Variants in FAM135B observed in about 807,000 individuals in gnomAD.
FAM135B encodes the protein family with sequence similarity 135 member B.
In FAM135B, 43 loss-of-function variants were observed where a neutral mutation model predicts 127.7. The observed-to-expected ratio is 0.34, with a 90% CI of 0.26 to 0.43. The LOEUF (loss-of-function observed/expected upper bound fraction) is 0.43. Among genes scored for constraint, FAM135B ranks in the 20% least tolerant of loss-of-function variants. The pLI is 1.00. For missense variants in FAM135B, 1,558 were observed against 1,725.6 expected (o/e 0.90, Z 1.72); for synonymous variants, 670 against 665.1 (o/e 1.01, Z -0.11).
At chr8:138,193,998 GC>G (rs1466776743) in intron 9 of FAM135B, among the ~76,000 whole-genome samples, 2 of 152,240 alleles carry the variant, frequency 1.3e-5, no homozygotes, top group South Asian at 4.1e-4. Context: ...AGAGCCCAGG[GC>G]CTCCTGTCTA....
At chr8:138,452,543 A>G (rs1836557129) in intron 1 of FAM135B, among the ~76,000 whole-genome samples, 1 of 152,198 alleles carries the variant, frequency 6.6e-6, no homozygotes, top group Non-Finnish European at 1.5e-5. Flanking sequence ...TTCAGCTTCT[A>G]CATAGACATC....
chr8:138,394,937 C>G (rs1305998057), intron 1 of FAM135B, among the ~76,000 whole-genome samples: 3 of 152,162 alleles, frequency 2.0e-5, no homozygotes, highest in Non-Finnish European at 4.4e-5. Flanking sequence ...GGGAGGGGAA[C>G]ACACAGCCAT....
At chr8:138,462,598 G>T (rs542436355) in intron 1 of FAM135B, among the ~76,000 whole-genome samples, 1 of 152,266 alleles carries the variant, frequency 6.6e-6, no homozygotes, top group East Asian at 1.9e-4. Context: ...AACTGAGCCA[G>T]GCTCAGGACC....
chr8:138,330,700 C>A (rs1828106044), intron 2 of FAM135B, among the ~76,000 whole-genome samples: 1 of 152,150 alleles, frequency 6.6e-6, no homozygotes, highest in South Asian at 2.1e-4. Flanking sequence ...GGATCCAAGG[C>A]AGCTCCAACC....
At chr8:138,493,176 A>G (rs543856449) in intron 1 of FAM135B, among the ~76,000 whole-genome samples, 1 of 152,262 alleles carries the variant, frequency 6.6e-6, no homozygotes, top group African/African-American at 2.4e-5. Flanking sequence ...GAAACATTTG[A>G]CGTTTCTGAG....
At position 138,197,525 on chromosome 8, in the gene FAM135B, T is replaced by C. The variant is rs1816753563; in HGVS notation, c.814A>G (p.Thr272Ala). 6.2e-7 allele frequency: 1 copy of C among 1,614,064 alleles called. No individual in the cohort carries two copies. Among genetic ancestry groups the C allele is most frequent in the Non-Finnish European group, 8.5e-7 (1 of 1,179,938 alleles). Residue 272 changes from threonine to alanine, a missense_variant, in exon 8 of 20, where the codon ACG (threonine) becomes GCG (alanine). Physicochemically the swap from Thr to Ala is moderately conservative, Grantham distance 58. This residue lies in a region of FAM135B where 127 missense variants were observed against 109.7 expected (regional missense o/e 1.16). Coordinates refer to ENST00000395297, the MANE Select transcript of FAM135B (RefSeq NM_015912.4). ...TGTCCTGGGCCCTTACCCAGCTCCG[T>C]GTGTGGCAGCTCTGGGATGTCCCGC... ...IMRDIPELPH[T>A]ELEALAVEET...
chr8:138,251,163 A>G, intron 5 of FAM135B, 149 bp from the exon 6 acceptor site: 1 of 927,286 alleles, frequency 1.1e-6, no homozygotes, highest in South Asian at 1.7e-5. Flanking sequence ...GGTAGAAATC[A>G]TTTTTCCCAC....
At chr8:138,170,835 G>A (rs1197737166) in intron 11 of FAM135B, among the ~76,000 whole-genome samples, 1 of 152,134 alleles carries the variant, frequency 6.6e-6, no homozygotes, top group Admixed American at 6.6e-5. Context: ...TACCCTTAAT[G>A]TGGGTGGCAC....
chr8:138,327,281 T>C (rs1827855158), intron 2 of FAM135B, among the ~76,000 whole-genome samples: 1 of 152,212 alleles, frequency 6.6e-6, no homozygotes, highest in Non-Finnish European at 1.5e-5. Flanking sequence ...TGTCACATTC[T>C]ATCTGGACAA....
At chr8:138,375,666 T>C (rs879848069) in intron 1 of FAM135B, among the ~76,000 whole-genome samples, 19 of 152,222 alleles carry the variant, frequency 1.2e-4, no homozygotes, top group Non-Finnish European at 2.8e-4. Flanking sequence ...TTGAATTTTC[T>C]TTTTACTCTC....
At chr8:138,180,444 C>G (rs946775879) in intron 9 of FAM135B, among the ~76,000 whole-genome samples, 1 of 152,200 alleles carries the variant, frequency 6.6e-6, no homozygotes, top group African/African-American at 2.4e-5. Flanking sequence ...CCTTTCTCTT[C>G]GTTGCCCTGT....
rs184782699 is a variant in FAM135B at position 138,147,080 on chromosome 8, G to A, written c.3449-1030C>T. Among the ~76,000 whole-genome samples the A allele has an allele frequency of 3.5e-3, 529 of 152,182 alleles. 3 individuals are homozygous for A. The highest frequency in any genetic ancestry group is 0.011 in the African/African-American group (470 of 41,522). The stretch of plus-strand genomic sequence containing the variant: ...ATGCCCATACGCCCCCTATGTTGGT[G>A]GCCTGTCAGAGTACATGCCCAAACT... On this transcript the variant is annotated intron_variant, in intron 14 of 19. Transcript: ENST00000395297.
chr8:138,275,346 T>A (rs1823735574), intron 3 of FAM135B, among the ~76,000 whole-genome samples: 1 of 152,152 alleles, frequency 6.6e-6, no homozygotes, highest in Non-Finnish European at 1.5e-5. Context: ...AACCTTACTT[T>A]TTGCTTCTGC....
chr8:138,182,319 C>T (rs971010892), intron 9 of FAM135B, among the ~76,000 whole-genome samples: 1 of 152,178 alleles, frequency 6.6e-6, no homozygotes, highest in Non-Finnish European at 1.5e-5. Context: ...AGATGGCGAG[C>T]TTGGAAGGGT....
intron 1 of FAM135B, among the ~76,000 whole-genome samples, chr8:138,390,331 C>A (rs1052369960): frequency 1.3e-5 from 2 of 151,990 alleles, no homozygotes; most frequent in Non-Finnish European, 2.9e-5. Context: ...GTGAATAAGT[C>A]CCAGGAGAGC....
At chr8:138,237,251 C>T (rs933662616) in intron 7 of FAM135B, among the ~76,000 whole-genome samples, 3 of 151,330 alleles carry the variant, frequency 2.0e-5, no homozygotes, top group Non-Finnish European at 4.4e-5. Context: ...ACCTCCGCCT[C>T]CAGGGTTCAA....
At chr8:138,256,597 T>G in intron 5 of FAM135B, 92 bp downstream of exon 5, 1 of 1,034,778 alleles carries the variant, frequency 9.7e-7, no homozygotes, top group Non-Finnish European at 1.5e-6. Context: ...AGAGACGTTC[T>G]GAGGTTCAAG....
rs1307980252 is a variant in FAM135B at position 138,299,109 on chromosome 8, AAAAT to A, written c.157+11728_157+11731del. Among the ~76,000 whole-genome samples, 8 of 144,538 alleles carry A rather than the reference AAAAT, an allele frequency of 5.5e-5. No individual in the cohort carries two copies. In the East Asian group the frequency reaches 1.7e-3, roughly 30 times the overall value. 94.8% of individuals were successfully genotyped at this position (144,538 alleles called of 152,430 possible). On this transcript the variant is annotated intron_variant, in intron 3 of 19. Coordinates refer to ENST00000395297, the MANE Select transcript of FAM135B (RefSeq NM_015912.4). Reference sequence around the variant, plus strand: ...TAAATAAATAAATAAATAAATAAATAAAATAAAAATAAAAAATAAAAAAACACTC... The same window carrying A: ...TAAATAAATAAATAAATAAATAAATAAAAAATAAAAAATAAAAAAACACTC...
At chr8:138,327,379 C>T (rs1161381432) in intron 2 of FAM135B, among the ~76,000 whole-genome samples, 3 of 152,164 alleles carry the variant, frequency 2.0e-5, no homozygotes, top group African/African-American at 7.2e-5. Flanking sequence ...TGCTCATAGA[C>T]TGTAGCTTAC....
Sources: gnomAD v4.1 joint callset for allele counts (sites outside exome capture counted in the v4.1 genomes callset) on GRCh38, gnomAD v4.1.1 for gene constraint, gnomAD v4.1.1 regional missense constraint, MANE v1.5 for transcripts, NCBI Gene and HGNC (gene_info 2026-07-23, HGNC 2026-07-21) for gene names.